LRIG3: variants seen among roughly 807,000 people sequenced by gnomAD.
LRIG3 encodes the protein leucine rich repeats and immunoglobulin like domains 3.
A neutral mutation model predicts 114.5 loss-of-function variants in LRIG3; 76 were observed. That is an observed-to-expected ratio of 0.66 (90% confidence interval 0.55 to 0.80). LRIG3 has a LOEUF of 0.80. Ranked by LOEUF, LRIG3 falls within the 30% of genes least tolerant of loss-of-function variation. The probability of loss-of-function intolerance (pLI) is 0.00; values close to 1 mark genes in which losing one functional copy is unlikely to be tolerated. For synonymous variants in LRIG3, 512 were observed against 519.8 expected (o/e 0.98, Z 0.20); for missense variants, 1,239 against 1,382.8 (o/e 0.90, Z 1.65).
At chr12:58,875,370 G>A (rs922269278) in intron 16 of LRIG3, among the ~76,000 whole-genome samples, 1 of 152,134 alleles carries the variant, frequency 6.6e-6, no homozygotes, top group African/African-American at 2.4e-5. Flanking sequence ...GTAACTCTAC[G>A]CTCTTTATTT....
chr12:58,873,202 A>G (rs11835001), intron 18 of LRIG3, among the ~76,000 whole-genome samples: 1 of 152,114 alleles, frequency 6.6e-6, no homozygotes, highest in Non-Finnish European at 1.5e-5. Flanking sequence ...TAAATAAAGA[A>G]ATTTTCTTTC....
At chr12:58,913,879 A>C (rs1872374406) in intron 3 of LRIG3, 103 bp downstream of exon 3, 1 of 1,017,876 alleles carries the variant, frequency 9.8e-7, no homozygotes, top group Non-Finnish European at 1.5e-6. Flanking sequence ...CCTGAAAAAA[A>C]TATTCCATTT....
chr12:58,874,081 G>A lies in LRIG3; in HGVS notation c.3089C>T (p.Ser1030Leu), dbSNP rs762206431. 9.9e-6 allele frequency: 16 copies of A among 1,614,164 alleles called. No homozygotes were observed. Among genetic ancestry groups the A allele is most frequent in the South Asian group, 8.8e-5 (8 of 91,068 alleles). The change falls in exon 18 of 19, where the codon TCG becomes TTG. Residue 1030 changes from serine to leucine, a missense_variant. Ser to Leu is a moderately radical substitution (Grantham distance 145). Coordinates refer to ENST00000320743, the MANE Select transcript of LRIG3 (RefSeq NM_153377.5). ...LDFSANPEPASVASSNSFMGT... is the reference protein window; with the variant it reads ...LDFSANPEPALVASSNSFMGT... Reference sequence around the variant, plus strand: ...CATGAAAGAATTACTCGAGGCAACCGACGCTGGCTCTGGATTTGCACTAAA... The same window carrying A: ...CATGAAAGAATTACTCGAGGCAACCAACGCTGGCTCTGGATTTGCACTAAA...
intron 12 of LRIG3, among the ~76,000 whole-genome samples, chr12:58,881,148 T>C (rs1164988046): frequency 1.3e-5 from 2 of 152,202 alleles, no homozygotes; most frequent in Admixed American, 6.5e-5. Flanking sequence ...GAAAAGACTG[T>C]TATTTTGGAG....
At chr12:58,891,504 T>G (rs1481673128) in intron 3 of LRIG3, among the ~76,000 whole-genome samples, 1 of 152,212 alleles carries the variant, frequency 6.6e-6, no homozygotes, top group Non-Finnish European at 1.5e-5. Flanking sequence ...GTTAATTCCC[T>G]ATTCCTTCTT....
chr12:58,874,673 C>T (rs1396184476), intron 16 of LRIG3, 100 bp from the exon 17 acceptor site: 1 of 1,482,500 alleles, frequency 6.7e-7, no homozygotes, highest in African/African-American at 1.4e-5. Flanking sequence ...GAAAGTTTGA[C>T]TAGAACATCA....
In LRIG3 at chr12:58,888,872, T is replaced by G. The variant is rs1035995662; in HGVS notation, c.750A>C (p.Gly250=). The G allele has an allele frequency of 1.4e-5, 23 of 1,613,780 alleles. No individual in the cohort carries two copies. The highest frequency in any genetic ancestry group is 1.9e-5 in the Non-Finnish European group (23 of 1,179,862). ...ALKSLKMQRN[G]VTKLMDGAFW... is the part of the protein sequence containing the mutation. ...AAGCTCCATCCATAAGTTTCGTTACTCCATTTCTTTGCATTTTCAGAGACT... is the reference window on the plus strand; with the variant it reads ...AAGCTCCATCCATAAGTTTCGTTACGCCATTTCTTTGCATTTTCAGAGACT... The change falls in exon 6 of 19, where the codon GGA becomes GGC. Residue 250 remains glycine, a synonymous_variant. Coordinates refer to ENST00000320743, the MANE Select transcript of LRIG3 (RefSeq NM_153377.5).
At chr12:58,912,319 AC>A (rs1204121789) in intron 3 of LRIG3, among the ~76,000 whole-genome samples, 1 of 152,002 alleles carries the variant, frequency 6.6e-6, no homozygotes, top group African/African-American at 2.4e-5. Flanking sequence ...ACACGGTGAA[AC>A]CCCCTCTCTA....
At chr12:58,903,482 T>G (rs561393649) in intron 3 of LRIG3, among the ~76,000 whole-genome samples, 13 of 152,240 alleles carry the variant, frequency 8.5e-5, no homozygotes, top group Non-Finnish European at 1.8e-4. Context: ...GTCAGATGAG[T>G]AGGTTGCAAA....
At chr12:58,914,195 C>T in intron 2 of LRIG3, 70 bp downstream of exon 2, 1 of 1,526,312 alleles carries the variant, frequency 6.6e-7, no homozygotes, top group South Asian at 1.2e-5. Context: ...CCAAGTATTC[C>T]TTACGGTTAA....
At chr12:58,885,586 A>G (rs1871249882) in intron 10 of LRIG3, among the ~76,000 whole-genome samples, 1 of 152,260 alleles carries the variant, frequency 6.6e-6, no homozygotes, top group South Asian at 2.1e-4. Context: ...AAAACCCATT[A>G]AGGAGATATA....
chr12:58,913,723 C>T (rs1872368294), intron 3 of LRIG3: 1 of 415,852 alleles, frequency 2.4e-6, no homozygotes. Context: ...TGGTGTAAAG[C>T]TGGCCTCTTT....
intron 3 of LRIG3, among the ~76,000 whole-genome samples, chr12:58,904,104 A>G (rs1387875811): frequency 6.6e-6 from 1 of 152,174 alleles, no homozygotes; most frequent in Non-Finnish European, 1.5e-5. Context: ...TCTGTGAAGA[A>G]TTGCCTTTTC....
chr12:58,905,455 A>C (rs1872026843), intron 3 of LRIG3, among the ~76,000 whole-genome samples: 1 of 152,216 alleles, frequency 6.6e-6, no homozygotes. Context: ...TTATTTTGTA[A>C]GACTTGAGCT....
chr12:58,905,695 A>AT (rs1313506165), intron 3 of LRIG3, among the ~76,000 whole-genome samples: 1 of 152,182 alleles, frequency 6.6e-6, no homozygotes, highest in Non-Finnish European at 1.5e-5. Flanking sequence ...TTAATGAGCT[A>AT]TCATGGGAGT....
intron 3 of LRIG3, among the ~76,000 whole-genome samples, chr12:58,897,517 G>T (rs147439238): frequency 6.6e-6 from 1 of 152,238 alleles, no homozygotes; most frequent in East Asian, 1.9e-4. Flanking sequence ...GGCTGAGGTG[G>T]GAGGATTACT....
intron 10 of LRIG3, among the ~76,000 whole-genome samples, chr12:58,884,398 G>C (rs1358816058): frequency 6.6e-6 from 1 of 152,178 alleles, no homozygotes; most frequent in Non-Finnish European, 1.5e-5. Flanking sequence ...AGTGGGAAGA[G>C]AAGACAAAGA....
Position 58,908,871 on chromosome 12 carries a change from G to A in LRIG3, c.383+5111C>T, listed in dbSNP as rs1023477561. On this transcript the variant is annotated intron_variant, in intron 3 of 18. Transcript: ENST00000320743. ...ATGCCATATACCTGCATTAAGTGCT[G>A]AGGAAAAGAAGAGTTAGCTACAGAG... Among the ~76,000 whole-genome samples, 64 of 152,194 alleles carry A rather than the reference G, an allele frequency of 4.2e-4. 1 individual carries two copies. Among genetic ancestry groups the A allele is most frequent in the Non-Finnish European group, 8.8e-5 (6 of 68,034 alleles).
intron 14 of LRIG3, 35 bp downstream of exon 14, chr12:58,878,789 G>A (rs1428157925): frequency 6.3e-7 from 1 of 1,590,636 alleles, no homozygotes; most frequent in Non-Finnish European, 8.6e-7. Flanking sequence ...CTTCAAGACT[G>A]ATTTATACTA....
Sources: gnomAD v4.1 joint callset for allele counts (sites outside exome capture counted in the v4.1 genomes callset) on GRCh38, gnomAD v4.1.1 for gene constraint, MANE v1.5 for transcripts, NCBI Gene and HGNC (gene_info 2026-07-23, HGNC 2026-07-21) for gene names.